The following PIGB variants were observed in gnomAD, a reference collection of about 807,000 sequenced individuals.
PIGB encodes GPI alpha-1,2-mannosyltransferase 3.
A neutral mutation model predicts 68.4 loss-of-function variants in PIGB; 58 were observed. The observed-to-expected ratio is 0.85, with a 90% CI of 0.69 to 1.06. The LOEUF (loss-of-function observed/expected upper bound fraction) is 1.06, where lower values mean the gene tolerates loss of function less well. Among genes scored for constraint, PIGB ranks in the 50% least tolerant of loss-of-function variants. The pLI is 0.00. For synonymous variants in PIGB, 219 were observed against 220.5 expected, an observed-to-expected ratio of 0.99 and a Z score of 0.06; for missense variants, 634 against 655.8, an observed-to-expected ratio of 0.97 and a Z score of 0.36.
intron 6 of PIGB, among the ~76,000 whole-genome samples, chr15:55,338,816 T>C (rs2055596118): frequency 6.6e-6 from 1 of 152,130 alleles, no homozygotes. Flanking sequence ...AGCAACCATG[T>C]GAGCAAATTT....
intron 10 of PIGB, among the ~76,000 whole-genome samples, chr15:55,353,244 A>G (rs950234233): frequency 6.6e-6 from 1 of 152,236 alleles, no homozygotes; most frequent in African/African-American, 2.4e-5. Flanking sequence ...TTGGAAGTAG[A>G]GAGCAACATC....
At chr15:55,321,675 C>T (rs570243017) in intron 3 of PIGB, among the ~76,000 whole-genome samples, 30 of 93,400 alleles carry the variant, frequency 3.2e-4, no homozygotes, top group African/African-American at 9.5e-4. Flanking sequence ...TTTTTTGGGA[C>T]GGAGTTTGCT....
At chr15:55,323,761 A>G (rs1457182395) in intron 3 of PIGB, among the ~76,000 whole-genome samples, 1 of 152,222 alleles carries the variant, frequency 6.6e-6, no homozygotes. Flanking sequence ...TTAATTTGCC[A>G]GCTATAGAAT....
At chr15:55,346,834 T>G (rs1446889974) in intron 9 of PIGB, 1 of 152,234 alleles carries the variant, frequency 6.6e-6, no homozygotes, top group Non-Finnish European at 1.5e-5. Context: ...ACAATACTAC[T>G]GGTCTATAAG....
At chr15:55,319,965 A>T in intron 1 of PIGB, 1 of 222,970 alleles carries the variant, frequency 4.5e-6, no homozygotes. Context: ...TTAGATACAC[A>T]CATAGTATGA....
intron 9 of PIGB, among the ~76,000 whole-genome samples, chr15:55,349,068 G>A (rs1466413748): frequency 1.3e-5 from 2 of 150,970 alleles, no homozygotes; most frequent in African/African-American, 4.9e-5. Context: ...TTTTAGTAGA[G>A]ATGGGGTTTC....
In PIGB at chr15:55,355,372, T is replaced by C. The variant is rs746164541; in HGVS notation, c.1605T>C (p.Ser535=). ...HTHLPEGRIG[S]HIYVYERKLK... The stretch of plus-strand genomic sequence containing the variant: ...ACTTGCCAGAGGGTCGAATTGGAAG[T>C]CACATATATGTCTATGAACGGAAGT... The change falls in exon 12 of 12, where the codon AGT becomes AGC. Residue 535 remains serine (S), a synonymous_variant. Transcript: ENST00000164305. 6 of 1,611,550 alleles carry C rather than the reference T, an allele frequency of 3.7e-6. No homozygotes were observed. The African/African-American group carries it at 8.0e-5, about 22-fold the overall frequency.
chr15:55,321,670 T>TG (rs1294310470), intron 3 of PIGB, among the ~76,000 whole-genome samples: 1 of 106,998 alleles, frequency 9.3e-6, no homozygotes, highest in Non-Finnish European at 1.8e-5. Context: ...TTTTTTTTTT[T>TG]GGGACGGAGT....
At chr15:55,351,392 C>A (rs2055919098) in intron 10 of PIGB, among the ~76,000 whole-genome samples, 1 of 151,802 alleles carries the variant, frequency 6.6e-6, no homozygotes, top group African/African-American at 2.4e-5. Context: ...CAGGTGTGAG[C>A]CACCGTGCTC....
intron 9 of PIGB, among the ~76,000 whole-genome samples, chr15:55,349,284 G>GTGAACCTCC (rs1431616281): frequency 2.0e-5 from 3 of 152,080 alleles, no homozygotes; most frequent in Admixed American, 2.0e-4. Context: ...ATGAGCACAG[G>GTGAACCTCC]TGAACCTCCT....
At position 55,340,839 on chromosome 15, in the gene PIGB, T is replaced by C. The variant is rs1421334411; in HGVS notation, c.1058+16T>C. Reference sequence around the variant, plus strand: ...TTGTTTATAGGTAAGATTTTATTTGTTCAAAAGGCTAAAATTTTTTATGTT... The same window carrying C: ...TTGTTTATAGGTAAGATTTTATTTGCTCAAAAGGCTAAAATTTTTTATGTT... On this transcript the variant is annotated intron_variant, in intron 8 of 11. Transcript: ENST00000164305. 6.8e-7 allele frequency: 1 copy of C among 1,465,766 alleles called. No individual in the cohort carries two copies. The highest frequency in any genetic ancestry group is 1.4e-5 in the African/African-American group (1 of 70,490). The allele number at this position is 1,465,766 out of a possible 1,614,324, so 90.8% of individuals were successfully genotyped here.
In PIGB at chr15:55,354,934, G is replaced by A. The variant is rs755105873; in HGVS notation, c.1474G>A (p.Ala492Thr). Reference sequence around the variant, plus strand: ...GTTACATAGAGAGTTTCATGATGATGCATCATTGCCTACTCACTTGATCAC... The same window carrying A: ...GTTACATAGAGAGTTTCATGATGATACATCATTGCCTACTCACTTGATCAC... ...NWLHREFHDD[A>T]SLPTHLITFS... is the part of the protein sequence containing the mutation. Residue 492 changes from alanine to threonine, a missense_variant, in exon 11 of 12, where the codon GCA becomes ACA. By Grantham distance (58) the Ala-to-Thr change is moderately conservative (BLOSUM62 0). Coordinates refer to ENST00000164305, the MANE Select transcript of PIGB (RefSeq NM_004855.5). The A allele has an allele frequency of 6.2e-7, 1 of 1,612,542 alleles. No homozygotes were observed. Among genetic ancestry groups the A allele is most frequent in the Admixed American group, 1.7e-5 (1 of 59,874 alleles).
intron 3 of PIGB, among the ~76,000 whole-genome samples, 177 bp downstream of exon 3, chr15:55,321,567 T>C (rs1230273192): frequency 6.6e-6 from 1 of 151,842 alleles, no homozygotes; most frequent in South Asian, 2.1e-4. Flanking sequence ...TATCCTGCTA[T>C]GAGGAATCCT....
At chr15:55,325,774 G>A (rs28706887) in intron 3 of PIGB, among the ~76,000 whole-genome samples, 40,893 of 151,906 alleles carry the variant, frequency 0.27, 6,638 homozygotes, top group East Asian at 0.55. Flanking sequence ...AAATTAGCCA[G>A]GCGTGGTGGC....
intron 8 of PIGB, 85 bp from the exon 9 acceptor site, chr15:55,341,653 T>C (rs548001750): frequency 4.5e-6 from 2 of 445,478 alleles, no homozygotes; most frequent in Non-Finnish European, 7.5e-6. Flanking sequence ...AAGTTAAATA[T>C]ATTTTATATT....
At chr15:55,321,771 G>C (rs1185162276) in intron 3 of PIGB, among the ~76,000 whole-genome samples, 5 of 146,028 alleles carry the variant, frequency 3.4e-5, no homozygotes, top group Admixed American at 1.4e-4. Context: ...TCCTGCCTCA[G>C]CCTCCCGAGT....
At chr15:55,352,231 G>A (rs2055942176) in intron 10 of PIGB, among the ~76,000 whole-genome samples, 1 of 152,064 alleles carries the variant, frequency 6.6e-6, no homozygotes, top group South Asian at 2.1e-4. Context: ...TTACAGGCGT[G>A]AGCCACCGCA....
At chr15:55,352,725 C>A (rs539976646) in intron 10 of PIGB, among the ~76,000 whole-genome samples, 1 of 152,084 alleles carries the variant, frequency 6.6e-6, no homozygotes, top group Non-Finnish European at 1.5e-5. Context: ...CCATTGCACT[C>A]CAACCTGGGC....
rs746442025 is a variant in PIGB, at chr15:55,333,965, C to T, written c.752C>T (p.Pro251Leu). 3 of 1,606,760 alleles carry T rather than the reference C, an allele frequency of 1.9e-6. No homozygotes were observed. Among genetic ancestry groups the T allele is most frequent in the South Asian group, 1.1e-5 (1 of 89,772 alleles). Residue 251 changes from proline to leucine, a missense_variant, in exon 6 of 12, where the codon CCA (proline) becomes CTA (leucine). By Grantham distance (98) the Pro-to-Leu change is moderately conservative (BLOSUM62 -3). Transcript: ENST00000164305. ...CTCTTCAGACATTTCTGTCAAGAAC[C>T]AAGAAAGCTTGATCTTATTCTACAT... ...PLLFRHFCQE[P>L]RKLDLILHHF...
Sources: allele counts gnomAD v4.1 joint callset (sites outside exome capture counted in the v4.1 genomes callset), GRCh38; gene constraint gnomAD v4.1.1; transcripts MANE v1.5; gene names NCBI Gene and HGNC (gene_info 2026-07-23, HGNC 2026-07-21).